Variants in FUS observed in about 807,000 individuals in gnomAD.
FUS encodes the protein FUS RNA binding protein.
FUS carries 5 observed loss-of-function variants against 82.7 expected under a neutral mutation model. The observed-to-expected ratio is 0.06, with a 90% CI of 0.03 to 0.13. The LOEUF (loss-of-function observed/expected upper bound fraction) is 0.13, where lower values mean the gene tolerates loss of function less well. Ranked by LOEUF, FUS falls within the 10% of genes least tolerant of loss-of-function variation. The probability of loss-of-function intolerance (pLI) is 1.00; values close to 1 mark genes in which losing one functional copy is unlikely to be tolerated. For missense variants in FUS, 512 were observed against 707.8 expected (o/e 0.72, Z 3.14); for synonymous variants, 281 against 247.4 (o/e 1.14, Z -1.27).
intron 3 of FUS, chr16:31,183,208 C>CT: frequency 5.4e-6 from 1 of 184,656 alleles, no homozygotes; most frequent in East Asian, 1.4e-4. Flanking sequence ...CTGCAGTGAG[C>CT]TATGATGGTG....
At chr16:31,187,213 T>TTG (rs959759925) in intron 7 of FUS, 39 of 376,040 alleles carry the variant, frequency 1.0e-4, no homozygotes, top group African/African-American at 2.4e-4. Flanking sequence ...TGTCCAAGGC[T>TTG]TGTGTGTGTG....
At chr16:31,192,176 A>T, downstream of FUS, 1 of 528,558 alleles carries the variant, frequency 1.9e-6, no homozygotes, top group South Asian at 1.5e-5. Flanking sequence ...TGGCTGGGTT[A>T]CTTTCACATC....
intron 12 of FUS, 84 bp downstream of exon 12, chr16:31,190,482 A>C: frequency 6.3e-7 from 1 of 1,595,796 alleles, no homozygotes; most frequent in Non-Finnish European, 8.6e-7. Context: ...CGTGTTTTCC[A>C]AAGAAGTAAA....
chr16:31,193,061 C>T, downstream of FUS: 1 of 484,390 alleles, frequency 2.1e-6, no homozygotes, highest in Non-Finnish European at 4.1e-6. Flanking sequence ...CTCCTGGGTT[C>T]AAGCGATAGC....
intron 7 of FUS, 64 bp downstream of exon 7, chr16:31,186,900 C>G (rs2079278708): frequency 2.8e-6 from 4 of 1,443,112 alleles, no homozygotes; most frequent in Non-Finnish European, 3.9e-6. Context: ...TGTTCATTTG[C>G]AGATGTCTTA....
downstream of FUS, chr16:31,193,665 GT>G: frequency 1.9e-6 from 1 of 531,910 alleles, no homozygotes; most frequent in Non-Finnish European, 3.6e-6. Flanking sequence ...GGTAGGTCCA[GT>G]TTGGGGGGAT....
chr16:31,185,463 A>G, intron 6 of FUS: 1 of 651,088 alleles, frequency 1.5e-6, no homozygotes, highest in Non-Finnish European at 2.8e-6. Context: ...GATTGGAGTC[A>G]TTAATATCCT....
At chr16:31,181,777 A>T (rs1286127600) in intron 1 of FUS, among the ~76,000 whole-genome samples, 3 of 152,134 alleles carry the variant, frequency 2.0e-5, no homozygotes, top group Non-Finnish European at 4.4e-5. Flanking sequence ...CGAATGCGCG[A>T]TGTTTTAGAG....
At chr16:31,187,718 A>G (rs892083434) in intron 7 of FUS, 1 of 234,470 alleles carries the variant, frequency 4.3e-6, no homozygotes, top group Non-Finnish European at 8.4e-6. Context: ...GGAAAAACAA[A>G]ATAGAGGCTG....
rs777366298 is a variant in FUS, at chr16:31,189,995, T to C, written c.1067-45T>C. 3.4e-4 allele frequency: 539 copies of C among 1,575,576 alleles called. 1 individual carries two copies. Among genetic ancestry groups the C allele is most frequent in the Non-Finnish European group, 4.0e-4 (466 of 1,155,078 alleles). On this transcript the variant is annotated intron_variant, in intron 10 of 14. Transcript: ENST00000254108. ...CGCTTCTCTTGTATTTTCGGATTAATGTGTCTTGCATTTAAAGTCTGTTGA... is the reference window on the plus strand; with the variant it reads ...CGCTTCTCTTGTATTTTCGGATTAACGTGTCTTGCATTTAAAGTCTGTTGA...
chr16:31,191,702 A>G, downstream of FUS: 1 of 679,690 alleles, frequency 1.5e-6, no homozygotes. Flanking sequence ...GCCCAGCAGG[A>G]ACTGGAATAC....
chr16:31,181,768 G>A (rs993375377), intron 1 of FUS, among the ~76,000 whole-genome samples: 2 of 152,146 alleles, frequency 1.3e-5, no homozygotes, highest in Non-Finnish European at 2.9e-5. Context: ...TGGATGAAAC[G>A]AATGCGCGAT....
chr16:31,187,534 T>A (rs1292530422), intron 7 of FUS: 2 of 229,000 alleles, frequency 8.7e-6, no homozygotes, highest in African/African-American at 2.2e-5. Flanking sequence ...AAATGACAAA[T>A]TTGAGAAGTC....
chr16:31,188,486 G>A, intron 8 of FUS, 129 bp downstream of exon 8: 1 of 956,190 alleles, frequency 1.0e-6, no homozygotes, highest in Admixed American at 1.8e-5. Context: ...AGTTAGGTGT[G>A]TCCTTAGTTA....
rs763718245 is a variant in FUS, at chr16:31,190,268, G to A, written c.1169-7G>A. 5 of 1,614,116 alleles carry A rather than the reference G, an allele frequency of 3.1e-6. No individual in the cohort carries two copies. Among genetic ancestry groups the A allele is most frequent in the Admixed American group, 1.7e-5 (1 of 60,016 alleles). On this transcript the variant is annotated splice_region_variant and splice_polypyrimidine_tract_variant and intron_variant, in intron 11 of 14. Transcript: ENST00000254108. ...GAGCAGACCCATACTTGGTCTATCT[G>A]CATTAGGACCCATGGGCCGTGGAGG...
At chr16:31,185,728 G>A in intron 6 of FUS, 1 of 388,148 alleles carries the variant, frequency 2.6e-6, no homozygotes, top group Non-Finnish European at 5.2e-6. Flanking sequence ...GGGGCCAGCT[G>A]ACTGAAGTAA....
downstream of FUS, chr16:31,192,375 A>C (rs1005652647): frequency 1.5e-5 from 8 of 524,366 alleles, no homozygotes; most frequent in Admixed American, 6.7e-5. Context: ...GTAAACTTGC[A>C]CGTACCTGCC....
chr16:31,186,698 C>A, intron 6 of FUS, 104 bp from the exon 7 acceptor site: 1 of 1,138,534 alleles, frequency 8.8e-7, no homozygotes, highest in South Asian at 1.3e-5. Context: ...TATCTTTTTC[C>A]AAAAACACCT....
At chr16:31,187,202 G>A in intron 7 of FUS, 1 of 397,360 alleles carries the variant, frequency 2.5e-6, no homozygotes. Flanking sequence ...TTTGATCGTT[G>A]TGTCCAAGGC....
Sources: gnomAD v4.1 joint callset for allele counts (sites outside exome capture counted in the v4.1 genomes callset) on GRCh38, gnomAD v4.1.1 for gene constraint, MANE v1.5 for transcripts, NCBI Gene and HGNC (gene_info 2026-07-23, HGNC 2026-07-21) for gene names.